Variants in PCCA observed in about 807,000 individuals in gnomAD.
PCCA encodes the protein propionyl-CoA carboxylase alpha chain, mitochondrial.
Under a neutral mutation model 101.3 loss-of-function variants are expected in PCCA, and 74 were observed. The observed-to-expected ratio is 0.73, with a 90% CI of 0.61 to 0.89. The LOEUF (loss-of-function observed/expected upper bound fraction) is 0.89. Among genes scored for constraint, PCCA ranks in the 40% least tolerant of loss-of-function variants. The probability of loss-of-function intolerance (pLI) is 0.00; values close to 1 mark genes in which losing one functional copy is unlikely to be tolerated. For missense variants in PCCA, 891 were observed against 907.0 expected (o/e 0.98, Z 0.23); for synonymous variants, 294 against 313.6 (o/e 0.94, Z 0.66).
At chr13:100,528,602 C>T (rs1266509401) in intron 23 of PCCA, among the ~76,000 whole-genome samples, 2 of 152,212 alleles carry the variant, frequency 1.3e-5, no homozygotes, top group Non-Finnish European at 2.9e-5. Flanking sequence ...GCGGGGATGT[C>T]ATGCCTGGTC....
At chr13:100,160,036 A>AT (rs1325685748) in intron 6 of PCCA, among the ~76,000 whole-genome samples, 3 of 152,164 alleles carry the variant, frequency 2.0e-5, no homozygotes, top group Admixed American at 6.5e-5. Context: ...GACTAAAATG[A>AT]TTTTTTGATT....
At chr13:100,510,251 T>C (rs1379674533) in intron 21 of PCCA, among the ~76,000 whole-genome samples, 2 of 152,242 alleles carry the variant, frequency 1.3e-5, no homozygotes, top group Non-Finnish European at 2.9e-5. Context: ...TCCACCATCT[T>C]CAGCTCTCAT....
chr13:100,485,535 C>G (rs1372238230), intron 21 of PCCA, among the ~76,000 whole-genome samples: 1 of 152,226 alleles, frequency 6.6e-6, no homozygotes, highest in East Asian at 1.9e-4. Context: ...GAGTTCTGCT[C>G]TTTGAACTGG....
At chr13:100,488,073 T>A (rs1201667105) in intron 21 of PCCA, among the ~76,000 whole-genome samples, 1 of 152,052 alleles carries the variant, frequency 6.6e-6, no homozygotes, top group Non-Finnish European at 1.5e-5. Context: ...ACAAGCATTC[T>A]GCCTCTGTGC....
intron 2 of PCCA, among the ~76,000 whole-genome samples, chr13:100,108,733 G>T (rs969441610): frequency 6.6e-6 from 1 of 152,182 alleles, no homozygotes; most frequent in Non-Finnish European, 1.5e-5. Flanking sequence ...ATGCAGAGGG[G>T]CAGTTTTAAG....
intron 8 of PCCA, among the ~76,000 whole-genome samples, chr13:100,247,515 CTT>C (rs147450398): frequency 2.8e-3 from 342 of 123,634 alleles, no homozygotes; most frequent in African/African-American, 7.4e-3. Context: ...CGTGCCCGGC[CTT>C]TTTTTTTTTT....
intron 17 of PCCA, among the ~76,000 whole-genome samples, chr13:100,331,253 G>C (rs1243265712): frequency 3.3e-5 from 5 of 152,172 alleles, no homozygotes; most frequent in Non-Finnish European, 7.4e-5. Context: ...AAACCCTTTA[G>C]TGAGCATTCA....
intron 21 of PCCA, chr13:100,479,589 G>C (rs925701489): frequency 1.3e-5 from 2 of 152,208 alleles, no homozygotes; most frequent in Non-Finnish European, 2.9e-5. Context: ...TATTCATTAA[G>C]TGGAAGTGGA....
At chr13:100,104,805 G>C (rs2047601715) in intron 2 of PCCA, among the ~76,000 whole-genome samples, 1 of 152,090 alleles carries the variant, frequency 6.6e-6, no homozygotes, top group African/African-American at 2.4e-5. Context: ...CCAGGTTCAA[G>C]CAATTCTCTT....
chr13:100,288,669 A>T (rs1945079287), intron 12 of PCCA, among the ~76,000 whole-genome samples: 2 of 152,248 alleles, frequency 1.3e-5, no homozygotes, highest in Admixed American at 1.3e-4. Context: ...TGTATCTACC[A>T]TTATGGTATC....
At chr13:100,213,421 A>G (rs1017844907) in intron 7 of PCCA, among the ~76,000 whole-genome samples, 5 of 152,206 alleles carry the variant, frequency 3.3e-5, no homozygotes, top group Non-Finnish European at 7.3e-5. Flanking sequence ...TCTTTTGGAT[A>G]AAAGCCAATT....
chr13:100,186,990 TGTA>T (rs1370710573), intron 6 of PCCA, among the ~76,000 whole-genome samples: 1 of 152,212 alleles, frequency 6.6e-6, no homozygotes, highest in Non-Finnish European at 1.5e-5. Flanking sequence ...ATATGTAACA[TGTA>T]GTAGCTTATG....
At chr13:100,297,464 G>A (rs1018219331) in intron 12 of PCCA, among the ~76,000 whole-genome samples, 1 of 152,172 alleles carries the variant, frequency 6.6e-6, no homozygotes, top group African/African-American at 2.4e-5. Context: ...TTCTGCTACC[G>A]AAATGAGATA....
At position 100,382,912 on chromosome 13, in the gene PCCA, A is replaced by T. The variant is rs574153952; in HGVS notation, c.1746+14338A>T. Among the ~76,000 whole-genome samples the T allele has an allele frequency of 3.3e-5, 5 of 152,254 alleles. No individual in the cohort carries two copies. The East Asian group carries it at 9.7e-4, about 30-fold the overall frequency. The stretch of plus-strand genomic sequence containing the variant: ...AACCAGTTAAATCTATGAGAAAGAA[A>T]GAAAGGCACTCAACTGCTTGGGGGA... On this transcript the variant is annotated intron_variant, in intron 19 of 23. Coordinates refer to ENST00000376285, the MANE Select transcript of PCCA (RefSeq NM_000282.4).
At chr13:100,512,957 A>T (rs2086591352) in intron 21 of PCCA, among the ~76,000 whole-genome samples, 1 of 152,198 alleles carries the variant, frequency 6.6e-6, no homozygotes, top group Admixed American at 6.5e-5. Context: ...ATGCTAGTAA[A>T]TAGCAGTTTT....
intron 6 of PCCA, chr13:100,198,167 A>G (rs1024022062): frequency 6.6e-6 from 1 of 152,210 alleles, no homozygotes; most frequent in Non-Finnish European, 1.5e-5. Context: ...TTCTCATTTC[A>G]TCACTGATTT....
chr13:100,453,937 A>G (rs2081526929), intron 21 of PCCA, among the ~76,000 whole-genome samples: 1 of 152,092 alleles, frequency 6.6e-6, no homozygotes. Flanking sequence ...CGATCTCGAT[A>G]TCCGCTCACT....
chr13:100,214,543 G>A (rs2059408752), intron 7 of PCCA, among the ~76,000 whole-genome samples: 2 of 151,542 alleles, frequency 1.3e-5, no homozygotes, highest in South Asian at 2.1e-4. Flanking sequence ...TCCTGCCTCC[G>A]GCTCCCTGGT....
intron 4 of PCCA, among the ~76,000 whole-genome samples, chr13:100,138,093 T>TAA (rs1365937654): frequency 6.6e-6 from 1 of 152,196 alleles, no homozygotes. Flanking sequence ...TGGCCACTTT[T>TAA]ATGTTTAATG....
Sources: allele counts gnomAD v4.1 joint callset (sites outside exome capture counted in the v4.1 genomes callset), GRCh38; gene constraint gnomAD v4.1.1; transcripts MANE v1.5; gene names NCBI Gene and HGNC (gene_info 2026-07-23, HGNC 2026-07-21).